HRK: variants seen among roughly 807,000 people sequenced by gnomAD.
The protein encoded by HRK is harakiri, BCL2 interacting protein.
Under a neutral mutation model 5.9 loss-of-function variants are expected in HRK, and 6 were observed. The ratio of observed to expected loss-of-function variants is 1.02; its 90% confidence interval spans 0.56 to 2.01. The LOEUF (loss-of-function observed/expected upper bound fraction) is 2.01, where lower values mean the gene tolerates loss of function less well. Ranked by LOEUF, HRK falls within the 30% of genes most tolerant of loss-of-function variation. HRK has a pLI of 0.00. For missense variants in HRK, 133 were observed against 128.3 expected (o/e 1.04, Z -0.18); for synonymous variants, 85 against 65.1 (o/e 1.31, Z -1.47).
intron 1 of HRK, among the ~76,000 whole-genome samples, chr12:116,867,120 T>C (rs1878574600): frequency 6.6e-6 from 1 of 150,748 alleles, no homozygotes; most frequent in Admixed American, 6.6e-5. Context: ...TGAGACTCCA[T>C]CTACACATAT....
rs971652189 is a variant in HRK at position 116,860,919 on chromosome 12, G to C, written c.*604C>G. 1.3e-5 allele frequency: 2 copies of C among 152,102 alleles called. No homozygotes were observed. The highest frequency in any genetic ancestry group is 6.6e-5 in the Admixed American group (1 of 15,262). 9.4% of individuals were successfully genotyped at this position (152,102 alleles called of 1,614,324 possible). A position where few individuals can be genotyped will look rare whatever the true frequency, so the allele number is the denominator to read the frequency against. ...GCGATCGACCTAGGTAAGTACAGAGGGAGAGGCTAGGACGAGTCAAGAAAT... is the reference window on the plus strand; with the variant it reads ...GCGATCGACCTAGGTAAGTACAGAGCGAGAGGCTAGGACGAGTCAAGAAAT... On this transcript the variant is annotated 3_prime_UTR_variant, in exon 2 of 2. Coordinates refer to ENST00000257572, the MANE Select transcript of HRK (RefSeq NM_003806.4).
At chr12:116,871,365 C>T (rs1051221448) in intron 1 of HRK, among the ~76,000 whole-genome samples, 2 of 147,038 alleles carry the variant, frequency 1.4e-5, no homozygotes, top group African/African-American at 2.5e-5. Flanking sequence ...TTCAGTGGCA[C>T]GATCTCGGCT....
chr12:116,872,782 CAAAG>C (rs1256118369), intron 1 of HRK, among the ~76,000 whole-genome samples: 3 of 133,478 alleles, frequency 2.2e-5, no homozygotes, highest in Non-Finnish European at 3.1e-5. Context: ...CTCAAAAAAA[CAAAG>C]AGAGAGAGAG....
chr12:116,865,746 C>T (rs1878519987), intron 1 of HRK, among the ~76,000 whole-genome samples: 1 of 152,152 alleles, frequency 6.6e-6, no homozygotes, highest in African/African-American at 2.4e-5. Context: ...TTGTATACGC[C>T]ATGTCTCTTT....
chr12:116,870,073 C>CACACACA (rs1404880665), intron 1 of HRK, among the ~76,000 whole-genome samples: 1 of 150,810 alleles, frequency 6.6e-6, no homozygotes, highest in Non-Finnish European at 1.5e-5. Context: ...GAGTGAGACT[C>CACACACA]CATCTAAAAC....
rs1302751245 is a variant in HRK, at chr12:116,881,034, A to G, written c.274T>C (p.Ter92GlnextTer55). ...AAWLLGRRNL* is the reference protein window; with the variant it reads ...AAWLLGRRNLQ ...CCCCACCAAGAAGCCCCGCGTTCCTACAAGTTCCGCCTGCCGAGCAGCCAG... is the reference window on the plus strand; with the variant it reads ...CCCCACCAAGAAGCCCCGCGTTCCTGCAAGTTCCGCCTGCCGAGCAGCCAG... The change falls in exon 1 of 2, where the codon TAG becomes CAG. Residue 92 changes from the stop codon to glutamine (Q), a stop_lost. Coordinates refer to ENST00000257572, the MANE Select transcript of HRK (RefSeq NM_003806.4). The G allele has an allele frequency of 2.2e-6, 3 of 1,344,920 alleles. No individual in the cohort carries two copies. Among genetic ancestry groups the G allele is most frequent in the Non-Finnish European group, 1.9e-6 (2 of 1,048,952 alleles). 83.3% of individuals were successfully genotyped at this position (1,344,920 alleles called of 1,614,324 possible). A position where few individuals can be genotyped will look rare whatever the true frequency, so the allele number is the denominator to read the frequency against.
chr12:116,881,431 T>G lies in HRK; in HGVS notation c.-124A>C, dbSNP rs934109227. ...CCTCCCCTGGACACCAAGTTTCTCCTTGTGTTGTGCGTTTGTTGTGCTGAC... is the reference window on the plus strand; with the variant it reads ...CCTCCCCTGGACACCAAGTTTCTCCGTGTGTTGTGCGTTTGTTGTGCTGAC... On this transcript the variant is annotated 5_prime_UTR_variant, in exon 1 of 2. Transcript: ENST00000257572. 3.5e-6 allele frequency: 3 copies of G among 846,762 alleles called. No individual in the cohort carries two copies. Among genetic ancestry groups the G allele is most frequent in the Non-Finnish European group, 4.3e-6 (3 of 699,608 alleles). 52.5% of individuals were successfully genotyped at this position (846,762 alleles called of 1,614,324 possible).
chr12:116,864,726 G>A (rs572312209), intron 1 of HRK, among the ~76,000 whole-genome samples: 1 of 152,324 alleles, frequency 6.6e-6, no homozygotes, highest in Admixed American at 6.5e-5. Context: ...TCAGGAGACT[G>A]AGGAGAGAGG....
Position 116,865,263 on chromosome 12 carries a change from C to T in HRK, c.*57-3797G>A, listed in dbSNP as rs112261666. ...TTTTTAATTAAAAAAAAACCTTGGC[C>T]GGGTGTGGTGGCTCTTGCCTGTAAT... On this transcript the variant is annotated intron_variant, in intron 1 of 1. Transcript: ENST00000257572. Among the ~76,000 whole-genome samples, 425 of 152,204 alleles carry T rather than the reference C, an allele frequency of 2.8e-3. 4 individuals are homozygous for T. The highest frequency in any genetic ancestry group is 9.8e-3 in the African/African-American group (406 of 41,528).
At chr12:116,873,680 A>T (rs967522962) in intron 1 of HRK, among the ~76,000 whole-genome samples, 15 of 152,106 alleles carry the variant, frequency 9.9e-5, no homozygotes, top group African/African-American at 1.9e-4. Flanking sequence ...GCTACTTTTT[A>T]AAAAAGTAAT....
chr12:116,875,345 C>T (rs1307811954), intron 1 of HRK, among the ~76,000 whole-genome samples: 1 of 152,068 alleles, frequency 6.6e-6, no homozygotes, highest in African/African-American at 2.4e-5. Context: ...GAAGTAGTAA[C>T]AAGAACAATA....
intron 1 of HRK, among the ~76,000 whole-genome samples, chr12:116,872,131 G>C (rs1878774473): frequency 6.6e-6 from 1 of 152,188 alleles, no homozygotes; most frequent in Non-Finnish European, 1.5e-5. Context: ...AGCACTTTGG[G>C]AGGCCAAGGC....
intron 1 of HRK, among the ~76,000 whole-genome samples, chr12:116,861,890 CTT>C (rs981652042): frequency 5.3e-5 from 8 of 152,182 alleles, no homozygotes; most frequent in Non-Finnish European, 1.0e-4. Flanking sequence ...TCTCTGTTCT[CTT>C]TTGTTTGTTT....
intron 1 of HRK, among the ~76,000 whole-genome samples, chr12:116,873,886 T>C (rs983801342): frequency 1.3e-5 from 2 of 152,084 alleles, no homozygotes; most frequent in African/African-American, 4.8e-5. Context: ...CTTATTGATG[T>C]GGGCTAAATC....
intron 1 of HRK, among the ~76,000 whole-genome samples, chr12:116,877,142 T>A (rs1275870264): frequency 6.6e-6 from 1 of 152,088 alleles, no homozygotes; most frequent in Non-Finnish European, 1.5e-5. Flanking sequence ...CCTCTGCCTC[T>A]GGGACTCAAG....
At chr12:116,873,247 G>C (rs1226121796) in intron 1 of HRK, among the ~76,000 whole-genome samples, 5 of 152,006 alleles carry the variant, frequency 3.3e-5, no homozygotes, top group Non-Finnish European at 5.9e-5. Context: ...CAATCATCCT[G>C]CCTCAGCCTC....
chr12:116,861,524 A>C (rs1488970537), intron 1 of HRK, 58 bp from the exon 2 acceptor site: 1 of 152,204 alleles, frequency 6.6e-6, no homozygotes, highest in Non-Finnish European at 1.5e-5. Context: ...GGGTGACGTC[A>C]GTGCAGTGGG....
At chr12:116,871,101 T>G (rs1464500605) in intron 1 of HRK, among the ~76,000 whole-genome samples, 1 of 132,768 alleles carries the variant, frequency 7.5e-6, no homozygotes, top group Non-Finnish European at 1.5e-5. Flanking sequence ...GTTTTTGTTT[T>G]GTTTTGTTTT....
chr12:116,874,260 TC>T (rs1565884908), intron 1 of HRK, among the ~76,000 whole-genome samples: 1 of 152,166 alleles, frequency 6.6e-6, no homozygotes, highest in East Asian at 1.9e-4. Context: ...TGTTTTTCTT[TC>T]CTGAAACGTA....
Sources: allele counts gnomAD v4.1 joint callset (sites outside exome capture counted in the v4.1 genomes callset), GRCh38; gene constraint gnomAD v4.1.1; transcripts MANE v1.5; gene names NCBI Gene and HGNC (gene_info 2026-07-23, HGNC 2026-07-21).